Variants in ASH1L observed in about 807,000 individuals in gnomAD.
ASH1L encodes ASH1 like histone lysine methyltransferase, also known as histone-lysine N-methyltransferase ASH1L.
ASH1L carries 23 observed loss-of-function variants against 269.0 expected under a neutral mutation model. The ratio of observed to expected loss-of-function variants is 0.09; its 90% confidence interval spans 0.06 to 0.12. The LOEUF is 0.12. Ranked by LOEUF, ASH1L falls within the 10% of genes least tolerant of loss-of-function variation. ASH1L has a pLI of 1.00. For synonymous variants in ASH1L, 1,187 were observed against 1,253.5 expected, an observed-to-expected ratio of 0.95 and a Z score of 1.12; for missense variants, 2,912 against 3,567.8, an observed-to-expected ratio of 0.82 and a Z score of 4.68.
chr1:155,512,786 C>T (rs979906768), intron 2 of ASH1L, among the ~76,000 whole-genome samples: 12 of 151,624 alleles, frequency 7.9e-5, no homozygotes, highest in Non-Finnish European at 1.6e-4. Context: ...CTCACTGGCA[C>T]GGTGGCTGAC....
chr1:155,452,245 G>A (rs1663537467), intron 4 of ASH1L, among the ~76,000 whole-genome samples: 1 of 151,768 alleles, frequency 6.6e-6, no homozygotes, highest in African/African-American at 2.4e-5. Context: ...TGCCATGTTG[G>A]CCAGGCTGGT....
chr1:155,417,943 A>C (rs1474481014), intron 5 of ASH1L, among the ~76,000 whole-genome samples: 1 of 151,368 alleles, frequency 6.6e-6, no homozygotes, highest in Non-Finnish European at 1.5e-5. Context: ...GGGTGACAAG[A>C]GCAAAACTCC....
rs567108345 is a variant in ASH1L at position 155,490,654 on chromosome 1, A to T, written c.421-8205T>A. ...CACACACACACACACATACACACAC[A>T]CTCTCTCTCTCTCTTTTTCTGGCCA... On this transcript the variant is annotated intron_variant, in intron 2 of 27. Transcript: ENST00000392403. 2.0e-4 allele frequency among the ~76,000 whole-genome samples: 30 copies of T among 148,352 alleles called. 1 individual carries two copies. The highest frequency in any genetic ancestry group is 6.5e-4 in the African/African-American group (26 of 40,222).
chr1:155,448,614 ACTC>A (rs921289902), intron 4 of ASH1L, among the ~76,000 whole-genome samples: 6 of 151,442 alleles, frequency 4.0e-5, no homozygotes, highest in African/African-American at 9.7e-5. Context: ...CCTGCCTCAG[ACTC>A]CTAAGTAGCT....
intron 2 of ASH1L, among the ~76,000 whole-genome samples, chr1:155,513,544 C>T (rs1668304188): frequency 6.8e-6 from 1 of 147,054 alleles, no homozygotes; most frequent in South Asian, 2.2e-4. Context: ...GCACTCCAGC[C>T]AGGGCAACAG....
chr1:155,536,491 A>C (rs1408432999), intron 1 of ASH1L, among the ~76,000 whole-genome samples: 1 of 152,198 alleles, frequency 6.6e-6, no homozygotes, highest in African/African-American at 2.4e-5. Context: ...CTACACACGC[A>C]GTCTGTCAGC....
intron 3 of ASH1L, among the ~76,000 whole-genome samples, chr1:155,461,031 T>C (rs1246001001): frequency 6.6e-6 from 1 of 152,206 alleles, no homozygotes; most frequent in Non-Finnish European, 1.5e-5. Flanking sequence ...AAAAAACTAG[T>C]AATCTGAAAT....
At chr1:155,556,776 T>TGGTA (rs1306171951) in intron 1 of ASH1L, among the ~76,000 whole-genome samples, 1 of 152,020 alleles carries the variant, frequency 6.6e-6, no homozygotes, top group Non-Finnish European at 1.5e-5. Flanking sequence ...TGCCCAGGTG[T>TGGTA]GGTAGCTCAT....
intron 2 of ASH1L, among the ~76,000 whole-genome samples, chr1:155,501,139 G>A (rs1312289086): frequency 6.6e-6 from 1 of 152,168 alleles, no homozygotes; most frequent in African/African-American, 2.4e-5. Context: ...TTTGGGGTAA[G>A]TCATTAAGAT....
intron 17 of ASH1L, among the ~76,000 whole-genome samples, chr1:155,351,055 G>A (rs1398787221): frequency 2.0e-5 from 3 of 149,804 alleles, no homozygotes; most frequent in Non-Finnish European, 3.0e-5. Context: ...GGCCAACATG[G>A]TGAAACCCTG....
intron 6 of ASH1L, among the ~76,000 whole-genome samples, chr1:155,402,930 C>A (rs1658974879): frequency 6.7e-6 from 1 of 149,410 alleles, no homozygotes; most frequent in Admixed American, 6.7e-5. Flanking sequence ...GTAATCCCAG[C>A]ACTTTGGGAA....
intron 1 of ASH1L, among the ~76,000 whole-genome samples, chr1:155,553,370 GTTT>G (rs1018363540): frequency 6.6e-6 from 1 of 152,066 alleles, no homozygotes; most frequent in Non-Finnish European, 1.5e-5. Context: ...TATAACAATA[GTTT>G]TTTGTCTAAG....
chr1:155,535,266 G>A (rs997589129), intron 1 of ASH1L, among the ~76,000 whole-genome samples: 1 of 138,952 alleles, frequency 7.2e-6, no homozygotes, highest in Non-Finnish European at 1.5e-5. Flanking sequence ...GTTTTGCTCT[G>A]TTGCCAAGGC....
At position 155,434,245 on chromosome 1, in the gene ASH1L, C is replaced by G. The variant is rs201857115; in HGVS notation, c.5828+4082G>C. 7.6e-5 allele frequency: 122 copies of G among 1,601,448 alleles called. 1 individual carries two copies. The highest frequency in any genetic ancestry group is 1.1e-5 in the Non-Finnish European group (13 of 1,174,034). On this transcript the variant is annotated intron_variant, in intron 5 of 27. Coordinates refer to ENST00000392403, the MANE Select transcript of ASH1L (RefSeq NM_018489.3). The stretch of plus-strand genomic sequence containing the variant: ...CGTCTCCGTCACCACCCTGGGCTCT[C>G]CCATGCATTCAAACTGAGGTGCCTG...
intron 2 of ASH1L, among the ~76,000 whole-genome samples, chr1:155,511,331 A>G (rs1033753471): frequency 1.3e-5 from 2 of 152,186 alleles, no homozygotes; most frequent in Admixed American, 6.5e-5. Context: ...TGAAACTACA[A>G]AATTCCCACA....
At position 155,438,875 on chromosome 1, in the gene ASH1L, T is replaced by C. The variant is rs1166303400; in HGVS notation, c.5280A>G (p.Gly1760=). 6.8e-6 allele frequency: 11 copies of C among 1,614,198 alleles called. 1 individual carries two copies. In the South Asian group the frequency reaches 1.2e-4, roughly 18 times the overall value. Reference sequence around the variant, plus strand: ...CAGGCACTAAAAGGCTGTCTGGTTTTCCCAGGGTTCGGTCCTTGCTGTGGC... The same window carrying C: ...CAGGCACTAAAAGGCTGTCTGGTTTCCCCAGGGTTCGGTCCTTGCTGTGGC... The part of the protein sequence containing the change: ...GRSHSKDRTL[G]KPDSLLVPAV... The change falls in exon 5 of 28, where the codon GGA becomes GGG. Residue 1760 remains glycine (G), a synonymous_variant. Coordinates refer to ENST00000392403, the MANE Select transcript of ASH1L (RefSeq NM_018489.3).
chr1:155,339,371 G>A lies in ASH1L; in HGVS notation c.8461-3C>T, dbSNP rs553735283. ...TAGTTGTCTGGGACGTAATGAGGCT[G>A]CAGAGAAGAAAAGGAAGAGGTAAGC... On this transcript the variant is annotated splice_polypyrimidine_tract_variant and splice_region_variant and intron_variant, in intron 25 of 27. Coordinates refer to ENST00000392403, the MANE Select transcript of ASH1L (RefSeq NM_018489.3). 16 of 1,613,528 alleles carry A rather than the reference G, an allele frequency of 9.9e-6. No homozygotes were observed. The highest frequency in any genetic ancestry group is 9.9e-5 in the South Asian group (9 of 91,064).
Position 155,478,039 on chromosome 1 carries a change from T to C in ASH1L, c.4831A>G (p.Ile1611Val), listed in dbSNP as rs143731490. 73 of 1,614,082 alleles carry C rather than the reference T, an allele frequency of 4.5e-5. No homozygotes were observed. The highest frequency in any genetic ancestry group is 5.7e-5 in the Non-Finnish European group (67 of 1,180,046). The stretch of plus-strand genomic sequence containing the variant: ...GGGTTTGAAACTCTGCAGCTGCCTA[T>C]TGCACTTGTGAAAAGGTTTGTATGT... ...DEHTNLFTSA[I>V]GSCRVSNPNS... The change falls in exon 3 of 28, where the codon ATA becomes GTA. Residue 1611 changes from isoleucine to valine, a missense_variant. By Grantham distance (29) the Ile-to-Val change is conservative (BLOSUM62 3). Around this residue, in one of 13 missense-constraint regions of ASH1L, gnomAD observed 789 missense variants for 897.6 expected, o/e 0.88. Transcript: ENST00000392403. The surrounding 1 kb of genome is among the most constrained non-coding windows in gnomAD (Gnocchi z 4.6).
At chr1:155,508,698 C>T (rs565058357) in intron 2 of ASH1L, among the ~76,000 whole-genome samples, 4 of 152,240 alleles carry the variant, frequency 2.6e-5, no homozygotes, top group Admixed American at 2.6e-4. Flanking sequence ...GGGCTTTCTA[C>T]TTAGAGCAAT....
Sources: allele counts gnomAD v4.1 joint callset (sites outside exome capture counted in the v4.1 genomes callset), GRCh38; gene constraint gnomAD v4.1.1; regional missense constraint gnomAD v4.1.1; non-coding constraint Gnocchi (gnomAD v3.1); transcripts MANE v1.5; gene names NCBI Gene and HGNC (gene_info 2026-07-23, HGNC 2026-07-21).